PTPRT: variants seen among roughly 807,000 people sequenced by gnomAD.
PTPRT encodes receptor-type tyrosine-protein phosphatase T.
A neutral mutation model predicts 176.8 loss-of-function variants in PTPRT; 56 were observed. The observed-to-expected ratio is 0.32, with a 90% CI of 0.26 to 0.40. The LOEUF is 0.40. Among genes scored for constraint, PTPRT ranks in the 10% least tolerant of loss-of-function variants. The pLI is 1.00. For missense variants in PTPRT, 1,540 were observed against 1,908.2 expected (o/e 0.81, Z 3.60); for synonymous variants, 783 against 739.0 (o/e 1.06, Z -0.96).
chr20:42,726,477 A>G (rs2076383054), intron 6 of PTPRT, among the ~76,000 whole-genome samples: 1 of 152,202 alleles, frequency 6.6e-6, no homozygotes, highest in African/African-American at 2.4e-5. Context: ...ACTAGGTCCT[A>G]TTGCTGAGGT....
intron 14 of PTPRT, 61 bp downstream of exon 14, chr20:42,248,626 C>A: frequency 6.3e-7 from 1 of 1,586,176 alleles, no homozygotes; most frequent in Non-Finnish European, 8.6e-7. Context: ...AACCTGGCCA[C>A]ACAGCAGTGT....
chr20:42,551,342 C>A (rs953309859), intron 7 of PTPRT, among the ~76,000 whole-genome samples: 8 of 152,094 alleles, frequency 5.3e-5, no homozygotes, highest in African/African-American at 1.9e-4. Context: ...ATCAGGCACA[C>A]ACAAAAAGCA....
intron 7 of PTPRT, among the ~76,000 whole-genome samples, chr20:42,631,822 A>C (rs2074413288): frequency 1.3e-5 from 2 of 152,128 alleles, no homozygotes; most frequent in South Asian, 4.1e-4. Flanking sequence ...GACTTGGGGT[A>C]CTCAAACTCT....
chr20:42,869,094 C>T (rs2078800508), intron 2 of PTPRT, among the ~76,000 whole-genome samples: 1 of 152,162 alleles, frequency 6.6e-6, no homozygotes, highest in Admixed American at 6.5e-5. Context: ...CCCTGGAGAG[C>T]CTCAGTGCCC....
chr20:42,423,264 T>C (rs960741006), intron 9 of PTPRT, among the ~76,000 whole-genome samples: 2 of 149,916 alleles, frequency 1.3e-5, no homozygotes, highest in African/African-American at 4.9e-5. Flanking sequence ...GACTTTTGCA[T>C]AGTATCCCTT....
chr20:42,120,086 G>T, intron 19 of PTPRT, 115 bp from the exon 20 acceptor site: 1 of 880,538 alleles, frequency 1.1e-6, no homozygotes, highest in Non-Finnish European at 1.7e-6. Flanking sequence ...AATGAGAACA[G>T]CATCAGTTAT....
chr20:42,090,686 G>A (rs939793057), intron 27 of PTPRT, among the ~76,000 whole-genome samples: 3 of 152,160 alleles, frequency 2.0e-5, no homozygotes, highest in African/African-American at 7.2e-5. Context: ...GTAAGCATCT[G>A]CGATTTATAC....
intron 7 of PTPRT, among the ~76,000 whole-genome samples, chr20:42,520,665 G>A (rs2072155396): frequency 6.6e-6 from 1 of 152,024 alleles, no homozygotes; most frequent in Non-Finnish European, 1.5e-5. Flanking sequence ...GCTCTGAGAT[G>A]AACTATTTAT....
At chr20:42,087,639 G>C (rs1984117422) in intron 27 of PTPRT, among the ~76,000 whole-genome samples, 2 of 150,678 alleles carry the variant, frequency 1.3e-5, no homozygotes, top group Admixed American at 6.6e-5. Flanking sequence ...ACTTTGGGAG[G>C]CCAAGGTGGG....
At chr20:42,947,003 A>T (rs1388404102) in intron 1 of PTPRT, among the ~76,000 whole-genome samples, 2 of 152,192 alleles carry the variant, frequency 1.3e-5, no homozygotes, top group Non-Finnish European at 2.9e-5. Context: ...ACTTCGATTC[A>T]GGTCAAAGAG....
At chr20:42,607,436 GA>G (rs1335040257) in intron 7 of PTPRT, 1 of 152,178 alleles carries the variant, frequency 6.6e-6, no homozygotes, top group Non-Finnish European at 1.5e-5. Flanking sequence ...CTTGGAACTG[GA>G]AGTTAGGACT....
chr20:42,219,661 T>A (rs938039818), intron 15 of PTPRT, among the ~76,000 whole-genome samples: 10 of 152,186 alleles, frequency 6.6e-5, no homozygotes, highest in African/African-American at 2.4e-4. Context: ...AGTTACAATG[T>A]TATCATGTAT....
chr20:42,306,114 A>C (rs2057541776), intron 12 of PTPRT, among the ~76,000 whole-genome samples: 4 of 152,160 alleles, frequency 2.6e-5, no homozygotes, highest in African/African-American at 9.7e-5. Flanking sequence ...GGGAAGGAAA[A>C]TGTTCCTGCT....
intron 1 of PTPRT, among the ~76,000 whole-genome samples, chr20:42,912,804 C>G (rs1052479780): frequency 6.6e-6 from 1 of 152,168 alleles, no homozygotes; most frequent in Non-Finnish European, 1.5e-5. Flanking sequence ...CCCGGATGTC[C>G]TATATGAAAT....
intron 7 of PTPRT, among the ~76,000 whole-genome samples, chr20:42,528,682 G>A (rs1177248027): frequency 6.6e-6 from 1 of 152,042 alleles, no homozygotes; most frequent in East Asian, 1.9e-4. Flanking sequence ...CGACAATTAA[G>A]GGCAAACTCT....
At chr20:42,649,052 C>A (rs189078186) in intron 7 of PTPRT, among the ~76,000 whole-genome samples, 2 of 152,052 alleles carry the variant, frequency 1.3e-5, no homozygotes, top group East Asian at 1.9e-4. Context: ...ATCTCATGAC[C>A]TTGTGATCCG....
At chr20:43,176,283 C>T (rs1042135484) in intron 1 of PTPRT, among the ~76,000 whole-genome samples, 1 of 147,640 alleles carries the variant, frequency 6.8e-6, no homozygotes, top group African/African-American at 2.5e-5. Context: ...GGCAACAGAG[C>T]GAGACCCTGG....
chr20:42,357,193 G>A (rs1418668992), intron 9 of PTPRT, among the ~76,000 whole-genome samples: 1 of 151,652 alleles, frequency 6.6e-6, no homozygotes, highest in Non-Finnish European at 1.5e-5. Context: ...TGTAAGTAAA[G>A]TTTTATTGGA....
chr20:42,108,918 A>ATGAT (rs899339924), intron 23 of PTPRT, among the ~76,000 whole-genome samples: 95 of 152,256 alleles, frequency 6.2e-4, no homozygotes, highest in African/African-American at 2.1e-3. Flanking sequence ...CGAAGTCCTG[A>ATGAT]TGATAAACAA....
Sources: allele counts gnomAD v4.1 joint callset (sites outside exome capture counted in the v4.1 genomes callset), GRCh38; gene constraint gnomAD v4.1.1; transcripts MANE v1.5; gene names NCBI Gene and HGNC (gene_info 2026-07-23, HGNC 2026-07-21).